The following WDR70 variants were observed in gnomAD, a reference collection of about 807,000 sequenced individuals.
WDR70 encodes WD repeat domain 70.
In WDR70, 53 loss-of-function variants were observed where a neutral mutation model predicts 88.6. The observed-to-expected ratio is 0.60, with a 90% CI of 0.48 to 0.75. The LOEUF (loss-of-function observed/expected upper bound fraction) is 0.75, where lower values mean the gene tolerates loss of function less well. WDR70 is among the 30% of genes least tolerant of loss of function. WDR70 has a pLI of 0.00. For missense variants in WDR70, 610 were observed against 823.2 expected (o/e 0.74, Z 3.17); for synonymous variants, 280 against 270.0 (o/e 1.04, Z -0.36).
intron 9 of WDR70, among the ~76,000 whole-genome samples, chr5:37,562,832 C>T (rs936522519): frequency 1.3e-5 from 2 of 151,824 alleles, no homozygotes; most frequent in African/African-American, 2.4e-5. Flanking sequence ...AATGAAAAGT[C>T]TCCCATGTCT....
At chr5:37,628,041 C>T (rs1290701437) in intron 10 of WDR70, among the ~76,000 whole-genome samples, 1 of 152,178 alleles carries the variant, frequency 6.6e-6, no homozygotes, top group Non-Finnish European at 1.5e-5. Context: ...ACTCCTTCCT[C>T]AGCCTCCTTA....
At chr5:37,478,941 G>A (rs1739571269) in intron 7 of WDR70, among the ~76,000 whole-genome samples, 1 of 152,162 alleles carries the variant, frequency 6.6e-6, no homozygotes, top group South Asian at 2.1e-4. Flanking sequence ...TGGTGAGGGT[G>A]GAAAGGTATT....
At chr5:37,611,070 C>T (rs1378518407) in intron 10 of WDR70, among the ~76,000 whole-genome samples, 1 of 152,120 alleles carries the variant, frequency 6.6e-6, no homozygotes, top group Non-Finnish European at 1.5e-5. Flanking sequence ...CCTCAAGTTA[C>T]TTAAAGTCTC....
chr5:37,398,789 A>G (rs560333020), intron 5 of WDR70, among the ~76,000 whole-genome samples: 3 of 152,336 alleles, frequency 2.0e-5, no homozygotes, highest in East Asian at 1.9e-4. Flanking sequence ...AGAAATTGCA[A>G]TGTTGATTGT....
At chr5:37,663,805 C>T (rs1311606330) in intron 10 of WDR70, among the ~76,000 whole-genome samples, 1 of 152,174 alleles carries the variant, frequency 6.6e-6, no homozygotes, top group African/African-American at 2.4e-5. Flanking sequence ...CTAATCCTTC[C>T]ACCTGCGTGC....
intron 17 of WDR70, among the ~76,000 whole-genome samples, chr5:37,742,891 A>AAATTGCCAGGAAAATCTAGAGTT (rs1561101242): frequency 6.6e-6 from 1 of 152,216 alleles, no homozygotes; most frequent in Non-Finnish European, 1.5e-5. Flanking sequence ...AGCATTGGGA[A>AAATTGCCAGGAAAATCTAGAGTT]AATTGCCAGG....
intron 9 of WDR70, among the ~76,000 whole-genome samples, chr5:37,597,788 T>C (rs190177772): frequency 1.3e-5 from 2 of 152,348 alleles, no homozygotes; most frequent in East Asian, 3.9e-4. Flanking sequence ...AACTATGAGC[T>C]AAATAAACCT....
At chr5:37,592,655 T>G (rs1462265140) in intron 9 of WDR70, among the ~76,000 whole-genome samples, 4 of 152,160 alleles carry the variant, frequency 2.6e-5, no homozygotes, top group African/African-American at 9.7e-5. Context: ...ATATTTGGAT[T>G]AGGGATGTTC....
intron 10 of WDR70, among the ~76,000 whole-genome samples, chr5:37,637,180 A>G (rs1561932274): frequency 6.6e-6 from 1 of 151,932 alleles, no homozygotes; most frequent in Non-Finnish European, 1.5e-5. Flanking sequence ...TTTCTCTACT[A>G]AAAATACAAA....
chr5:37,677,158 A>T (rs1282434944), intron 10 of WDR70, among the ~76,000 whole-genome samples: 1 of 151,718 alleles, frequency 6.6e-6, no homozygotes, highest in Non-Finnish European at 1.5e-5. Flanking sequence ...GTGGTCTATC[A>T]ATTTTGTTGA....
At chr5:37,595,685 A>G (rs1308646963) in intron 9 of WDR70, among the ~76,000 whole-genome samples, 1 of 152,228 alleles carries the variant, frequency 6.6e-6, no homozygotes, top group Non-Finnish European at 1.5e-5. Flanking sequence ...CTCAGGTCAC[A>G]TAAATTGTAA....
chr5:37,379,972 G>A (rs542577506), intron 2 of WDR70, among the ~76,000 whole-genome samples: 8 of 152,110 alleles, frequency 5.3e-5, no homozygotes, highest in Non-Finnish European at 1.0e-4. Flanking sequence ...GATGCTTATT[G>A]CCGTAATACC....
chr5:37,516,701 C>A (rs1740895163), intron 9 of WDR70, 111 bp downstream of exon 9: 9 of 267,116 alleles, frequency 3.4e-5, no homozygotes, highest in East Asian at 1.8e-4. Flanking sequence ...ATTAGGAATT[C>A]TTATTATATA....
At chr5:37,714,136 C>T (rs377674433) in intron 13 of WDR70, among the ~76,000 whole-genome samples, 19 of 152,100 alleles carry the variant, frequency 1.2e-4, no homozygotes, top group African/African-American at 3.4e-4. Flanking sequence ...ACATATCCTG[C>T]GTAGTTCGTC....
At chr5:37,539,414 C>A (rs1741752197) in intron 9 of WDR70, among the ~76,000 whole-genome samples, 1 of 152,148 alleles carries the variant, frequency 6.6e-6, no homozygotes, top group South Asian at 2.1e-4. Flanking sequence ...TGCACAGCCA[C>A]ACAGAAAAGA....
intron 9 of WDR70, among the ~76,000 whole-genome samples, chr5:37,585,249 C>T (rs1743333031): frequency 6.6e-6 from 1 of 152,096 alleles, no homozygotes; most frequent in South Asian, 2.1e-4. Context: ...CTCAGCCTCC[C>T]AAAGTGCTGG....
chr5:37,542,449 T>G (rs1178879566), intron 9 of WDR70, among the ~76,000 whole-genome samples: 1 of 151,934 alleles, frequency 6.6e-6, no homozygotes, highest in South Asian at 2.1e-4. Flanking sequence ...CCGGCTAATT[T>G]TTTGTATTTT....
At chr5:37,504,972 T>G (rs1186491824) in intron 8 of WDR70, among the ~76,000 whole-genome samples, 1 of 152,184 alleles carries the variant, frequency 6.6e-6, no homozygotes, top group African/African-American at 2.4e-5. Context: ...GGGCTGAAAT[T>G]TGTTTTAAAA....
chr5:37,686,379 C>CA (rs771694858), intron 10 of WDR70, among the ~76,000 whole-genome samples: 3 of 152,042 alleles, frequency 2.0e-5, no homozygotes, highest in Non-Finnish European at 4.4e-5. Flanking sequence ...GTCAGACTGT[C>CA]AGAGAAGAAA....
Sources: gnomAD v4.1 joint callset for allele counts (sites outside exome capture counted in the v4.1 genomes callset) on GRCh38, gnomAD v4.1.1 for gene constraint, MANE v1.5 for transcripts, NCBI Gene and HGNC (gene_info 2026-07-23, HGNC 2026-07-21) for gene names.